The following ERGIC1 variants were observed in gnomAD, a reference collection of about 807,000 sequenced individuals.
ERGIC1 encodes endoplasmic reticulum-Golgi intermediate compartment protein 1.
In ERGIC1, 19 loss-of-function variants were observed where a neutral mutation model predicts 38.3. The ratio of observed to expected loss-of-function variants is 0.50; its 90% CI spans 0.35 to 0.73. ERGIC1 has a LOEUF of 0.73. Among genes scored for constraint, ERGIC1 ranks in the 30% least tolerant of loss-of-function variants. The probability of loss-of-function intolerance (pLI) is 0.01; values close to 1 mark genes in which losing one functional copy is unlikely to be tolerated. For missense variants in ERGIC1, 294 were observed against 389.2 expected, an observed-to-expected ratio of 0.76 and a Z score of 2.06; for synonymous variants, 124 against 157.6, an observed-to-expected ratio of 0.79 and a Z score of 1.60.
intron 7 of ERGIC1, among the ~76,000 whole-genome samples, chr5:172,929,952 C>T (rs1763737741): frequency 6.6e-6 from 1 of 152,134 alleles, no homozygotes; most frequent in Non-Finnish European, 1.5e-5. Flanking sequence ...CTTTGGGAGG[C>T]CAAGTCGGGT....
chr5:172,915,082 G>A (rs1033472076), intron 5 of ERGIC1: 9 of 716,784 alleles, frequency 1.3e-5, no homozygotes, highest in Non-Finnish European at 2.3e-5. Flanking sequence ...CCAGTGAGGG[G>A]GACAATGATG....
chr5:172,927,020 A>T, intron 7 of ERGIC1: 1 of 175,292 alleles, frequency 5.7e-6, no homozygotes, highest in Non-Finnish European at 1.2e-5. Context: ...TCCTGCTCAG[A>T]CTCCTCCCAT....
chr5:172,850,283 C>A (rs1444515345), intron 1 of ERGIC1, among the ~76,000 whole-genome samples: 1 of 152,196 alleles, frequency 6.6e-6, no homozygotes, highest in Admixed American at 6.5e-5. Flanking sequence ...AGAAGGTTCG[C>A]CTACCCGCCC....
chr5:172,895,823 T>C (rs906237405), intron 2 of ERGIC1, among the ~76,000 whole-genome samples: 3 of 151,830 alleles, frequency 2.0e-5, no homozygotes, highest in African/African-American at 7.3e-5. Context: ...ATTTAGGGAA[T>C]AGCATGCAGC....
chr5:172,866,046 A>G (rs1470451234), intron 1 of ERGIC1, among the ~76,000 whole-genome samples: 2 of 152,094 alleles, frequency 1.3e-5, no homozygotes, highest in African/African-American at 2.4e-5. Context: ...TGTACTACCT[A>G]TGTACAATTT....
intron 9 of ERGIC1, among the ~76,000 whole-genome samples, chr5:172,940,705 C>T (rs1763992900): frequency 6.6e-6 from 1 of 152,080 alleles, no homozygotes; most frequent in South Asian, 2.1e-4. Flanking sequence ...TGCGCAGCTC[C>T]CTTAACTCAA....
At position 172,892,074 on chromosome 5, in the gene ERGIC1, T is replaced by TTTG. The variant is rs1340098076; in HGVS notation, c.82+3316_82+3317insGTT. Among the ~76,000 whole-genome samples, 288 of 149,790 alleles carry TTTG rather than the reference T, an allele frequency of 1.9e-3. 1 individual carries two copies. Among genetic ancestry groups the TTTG allele is most frequent in the Non-Finnish European group, 3.0e-3 (199 of 67,422 alleles). ...GGTTAAAGAGTATGTTTTTTTTTTT[T>TTTG]TTTTTTTTTTTTGAAACTTACAAGG... On this transcript the variant is annotated intron_variant, in intron 2 of 9. Transcript: ENST00000393784.
chr5:172,866,510 C>G (rs1657625071), intron 1 of ERGIC1, among the ~76,000 whole-genome samples: 1 of 152,198 alleles, frequency 6.6e-6, no homozygotes, highest in Non-Finnish European at 1.5e-5. Flanking sequence ...TCCATGTACC[C>G]TACACCCTGC....
At chr5:172,949,157 T>C (rs1764180485) in intron 9 of ERGIC1, among the ~76,000 whole-genome samples, 1 of 152,240 alleles carries the variant, frequency 6.6e-6, no homozygotes. Flanking sequence ...GGCCATAACA[T>C]TTTGAGTAAA....
chr5:172,884,225 C>T (rs892096373), intron 1 of ERGIC1, among the ~76,000 whole-genome samples: 16 of 145,060 alleles, frequency 1.1e-4, no homozygotes, highest in Non-Finnish European at 1.8e-4. Flanking sequence ...GTCTATTCTT[C>T]GGCCAGTGGG....
intron 9 of ERGIC1, among the ~76,000 whole-genome samples, chr5:172,941,841 G>C (rs1471668481): frequency 1.3e-5 from 2 of 152,202 alleles, no homozygotes; most frequent in African/African-American, 4.8e-5. Flanking sequence ...CACCTGTTTA[G>C]GCTTCTGCAA....
At chr5:172,862,401 AC>A (rs1432467019) in intron 1 of ERGIC1, among the ~76,000 whole-genome samples, 1 of 151,048 alleles carries the variant, frequency 6.6e-6, no homozygotes, top group Non-Finnish European at 1.5e-5. Flanking sequence ...ACTTCCTTAC[AC>A]CATCGAGACC....
chr5:172,919,503 G>A (rs1287178642), intron 5 of ERGIC1, among the ~76,000 whole-genome samples: 1 of 152,196 alleles, frequency 6.6e-6, no homozygotes, highest in Non-Finnish European at 1.5e-5. Context: ...CTTAGAATGG[G>A]CTGTGCTGGA....
intron 8 of ERGIC1, 102 bp from the exon 9 acceptor site, chr5:172,935,086 G>A (rs1210070578): frequency 5.1e-6 from 8 of 1,554,660 alleles, no homozygotes; most frequent in Non-Finnish European, 7.0e-6. Flanking sequence ...AGAGAGGGAG[G>A]AAAGCCCTTT....
intron 3 of ERGIC1, among the ~76,000 whole-genome samples, chr5:172,904,918 C>T (rs533901222): frequency 5.2e-4 from 79 of 152,316 alleles, no homozygotes; most frequent in African/African-American, 1.6e-3. Context: ...CTGGCCAGAG[C>T]GCCTCAGGCC....
intron 5 of ERGIC1, chr5:172,920,380 C>T (rs1361417595): frequency 5.6e-6 from 4 of 717,876 alleles, no homozygotes; most frequent in Middle Eastern, 2.3e-4. Flanking sequence ...GACCAGCAGC[C>T]AGATGTCAGA....
In ERGIC1 at chr5:172,944,060, G is replaced by A. The variant is rs761384146; in HGVS notation, c.766-6649G>A. ...GAACAGAGGGGCATTATCGGATGACGTCTGATGAATGCCACTTCCTGCACT... is the reference window on the plus strand; with the variant it reads ...GAACAGAGGGGCATTATCGGATGACATCTGATGAATGCCACTTCCTGCACT... On this transcript the variant is annotated intron_variant, in intron 9 of 9. Coordinates refer to ENST00000393784, the MANE Select transcript of ERGIC1 (RefSeq NM_001031711.3). 7.4e-4 allele frequency among the ~76,000 whole-genome samples: 112 copies of A among 152,200 alleles called. 3 individuals are homozygous for A. Among genetic ancestry groups the A allele is most frequent in the Non-Finnish European group, 1.6e-4 (11 of 68,030 alleles).
intron 1 of ERGIC1, among the ~76,000 whole-genome samples, chr5:172,874,879 C>T (rs899804887): frequency 1.3e-5 from 2 of 148,984 alleles, no homozygotes; most frequent in Non-Finnish European, 3.0e-5. Flanking sequence ...GAGCCATGAT[C>T]GCGCCACTGC....
chr5:172,930,738 T>C (rs1425936464), intron 7 of ERGIC1, among the ~76,000 whole-genome samples: 2 of 152,218 alleles, frequency 1.3e-5, no homozygotes, highest in Non-Finnish European at 2.9e-5. Context: ...CAATGGGCGT[T>C]TGGACACCAC....
Sources: gnomAD v4.1 joint callset for allele counts (sites outside exome capture counted in the v4.1 genomes callset) on GRCh38, gnomAD v4.1.1 for gene constraint, MANE v1.5 for transcripts, NCBI Gene and HGNC (gene_info 2026-07-23, HGNC 2026-07-21) for gene names.